FOXP1: variants seen among roughly 807,000 people sequenced by gnomAD.
FOXP1 encodes forkhead box protein P1.
A neutral mutation model predicts 98.2 loss-of-function variants in FOXP1; 15 were observed. The ratio of observed to expected loss-of-function variants is 0.15; its 90% CI spans 0.10 to 0.24. FOXP1 has a LOEUF of 0.24. Ranked by LOEUF, FOXP1 falls within the 10% of genes least tolerant of loss-of-function variation. The pLI is 1.00. For missense variants in FOXP1, 633 were observed against 848.5 expected (o/e 0.75, Z 3.15); for synonymous variants, 371 against 314.5 (o/e 1.18, Z -1.90).
intron 14 of FOXP1, among the ~76,000 whole-genome samples, chr3:70,979,066 A>AAACC (rs1314229224): frequency 6.6e-6 from 1 of 151,964 alleles, no homozygotes; most frequent in Non-Finnish European, 1.5e-5. Flanking sequence ...CAGGAGTTTG[A>AAACC]AACCAGGCTG....
intron 6 of FOXP1, among the ~76,000 whole-genome samples, chr3:71,157,518 T>G (rs2321500): frequency 0.58 from 88,549 of 151,998 alleles, 26,656 homozygotes; most frequent in Middle Eastern, 0.69. Flanking sequence ...GTTGTAAAGG[T>G]GAAGAGTTGT....
chr3:71,121,379 A>G (rs1279954570), intron 6 of FOXP1, among the ~76,000 whole-genome samples: 16 of 145,466 alleles, frequency 1.1e-4, no homozygotes, highest in African/African-American at 2.8e-4. Context: ...GAAAAAAAAA[A>G]GGGGGGGGGG....
intron 6 of FOXP1, among the ~76,000 whole-genome samples, chr3:71,176,584 A>C (rs1241019457): frequency 3.3e-5 from 5 of 151,998 alleles, no homozygotes; most frequent in Non-Finnish European, 5.9e-5. Flanking sequence ...GGATAAAACA[A>C]AGGCCTGCTG....
rs537413494 is a variant in FOXP1 at position 71,429,768 on chromosome 3, T to C, written c.-168+63658A>G. On this transcript the variant is annotated intron_variant, in intron 3 of 20. Transcript: ENST00000649528. ...AACTCGTCTTCAAGAATCACCGTCA[T>C]TGAAAGACAGCTAAATCACCCCACG... is the stretch of plus-strand genomic sequence containing the variant. Among the ~76,000 whole-genome samples, 11 of 152,304 alleles carry C rather than the reference T, an allele frequency of 7.2e-5. No individual in the cohort carries two copies. The South Asian group carries it at 1.0e-3, about 14-fold the overall frequency.
chr3:71,084,247 A>C (rs2054770543), intron 7 of FOXP1, among the ~76,000 whole-genome samples: 1 of 152,120 alleles, frequency 6.6e-6, no homozygotes. Flanking sequence ...AGACATTTTC[A>C]CCCTCTAAAA....
intron 3 of FOXP1, among the ~76,000 whole-genome samples, chr3:71,429,172 C>G (rs1311978193): frequency 6.6e-6 from 1 of 152,094 alleles, no homozygotes; most frequent in Admixed American, 6.5e-5. Context: ...GGAGTTATCA[C>G]CCACAACCTC....
intron 6 of FOXP1, among the ~76,000 whole-genome samples, chr3:71,173,065 A>T (rs1024564222): frequency 1.3e-5 from 2 of 152,150 alleles, no homozygotes; most frequent in Admixed American, 1.3e-4. Context: ...CAACATTCTC[A>T]GATTTTTCGC....
At chr3:70,961,429 C>A (rs2033469550) in intron 20 of FOXP1, among the ~76,000 whole-genome samples, 1 of 151,086 alleles carries the variant, frequency 6.6e-6, no homozygotes, top group Non-Finnish European at 1.5e-5. Context: ...TGAGGTTTCA[C>A]CATATTGGTG....
chr3:71,088,644 C>G (rs774907981), intron 7 of FOXP1, among the ~76,000 whole-genome samples: 1 of 152,150 alleles, frequency 6.6e-6, no homozygotes, highest in Non-Finnish European at 1.5e-5. Flanking sequence ...AAGGTACTAA[C>G]AAAGTCATTC....
At chr3:71,423,020 G>A (rs1307095917) in intron 3 of FOXP1, among the ~76,000 whole-genome samples, 2 of 152,270 alleles carry the variant, frequency 1.3e-5, no homozygotes, top group Admixed American at 6.5e-5. Flanking sequence ...AGAGCTGCCT[G>A]AAGCCCAACA....
chr3:71,328,802 G>A (rs1364438683), intron 4 of FOXP1, among the ~76,000 whole-genome samples: 2 of 151,666 alleles, frequency 1.3e-5, no homozygotes, highest in Admixed American at 6.6e-5. Context: ...GAGAAACCCC[G>A]TTTCTACTAA....
intron 2 of FOXP1, among the ~76,000 whole-genome samples, chr3:71,520,468 G>A (rs533261199): frequency 3.0e-4 from 45 of 152,220 alleles, no homozygotes; most frequent in African/African-American, 1.1e-3. Context: ...ACCACTTGGC[G>A]GCTCATTAGA....
In FOXP1 at chr3:71,228,969, T is replaced by TG. The variant is rs1216879743; in HGVS notation, c.-11-30578_-11-30577insC. ...GTAAAATGCTTTTACTGTTGGTTGT[T>TG]TTTTTTTTTTTTGATGTCTCATTTT... On this transcript the variant is annotated intron_variant, in intron 5 of 20. Coordinates refer to ENST00000649528, the MANE Select transcript of FOXP1 (RefSeq NM_001349338.3). 3.9e-4 allele frequency among the ~76,000 whole-genome samples: 18 copies of TG among 46,298 alleles called. No individual in the cohort carries two copies. The South Asian group carries it at 0.012, about 31-fold the overall frequency. 30.4% of individuals were successfully genotyped at this position (46,298 alleles called of 152,430 possible).
chr3:71,061,528 A>C (rs1278930500), intron 7 of FOXP1, among the ~76,000 whole-genome samples: 1 of 152,184 alleles, frequency 6.6e-6, no homozygotes, highest in African/African-American at 2.4e-5. Flanking sequence ...AAGCGTTATA[A>C]TTTATTATAC....
intron 9 of FOXP1, among the ~76,000 whole-genome samples, chr3:71,051,681 A>C (rs1576445408): frequency 6.6e-6 from 1 of 152,116 alleles, no homozygotes; most frequent in East Asian, 1.9e-4. Context: ...TAAAAATATG[A>C]GGAGGCAAGT....
chr3:71,520,961 C>T (rs1156391042), intron 2 of FOXP1, among the ~76,000 whole-genome samples: 1 of 152,126 alleles, frequency 6.6e-6, no homozygotes, highest in Non-Finnish European at 1.5e-5. Flanking sequence ...ACATTTTCCC[C>T]TCCCACCGAC....
At chr3:71,554,324 G>A (rs1476244160) in intron 2 of FOXP1, among the ~76,000 whole-genome samples, 5 of 152,106 alleles carry the variant, frequency 3.3e-5, no homozygotes, top group Non-Finnish European at 7.3e-5. Context: ...CTACATTCCA[G>A]CCTGGGTGAC....
At chr3:71,281,825 G>A (rs2071599621) in intron 5 of FOXP1, among the ~76,000 whole-genome samples, 1 of 152,062 alleles carries the variant, frequency 6.6e-6, no homozygotes, top group Admixed American at 6.5e-5. Flanking sequence ...CTGAGGCTGG[G>A]CACAGTGGCT....
intron 4 of FOXP1, among the ~76,000 whole-genome samples, chr3:71,310,984 G>C (rs1333434741): frequency 6.6e-6 from 1 of 152,176 alleles, no homozygotes; most frequent in Non-Finnish European, 1.5e-5. Context: ...CAGATAAGTC[G>C]TATTAATTTC....
Sources: gnomAD v4.1 joint callset for allele counts (sites outside exome capture counted in the v4.1 genomes callset) on GRCh38, gnomAD v4.1.1 for gene constraint, MANE v1.5 for transcripts, NCBI Gene and HGNC (gene_info 2026-07-23, HGNC 2026-07-21) for gene names.